The following PPP2R2C variants were observed in gnomAD, a reference collection of about 807,000 sequenced individuals.
The protein encoded by PPP2R2C is protein phosphatase 2, regulatory subunit B, gamma.
A neutral mutation model predicts 45.3 loss-of-function variants in PPP2R2C; 10 were observed. The observed-to-expected ratio is 0.22, with a 90% CI of 0.14 to 0.37. PPP2R2C has a LOEUF of 0.37. PPP2R2C is among the 10% of genes least tolerant of loss of function. The pLI, the probability that PPP2R2C is intolerant of heterozygous loss-of-function variation, is 1.00. For missense variants in PPP2R2C, 308 were observed against 619.7 expected, an observed-to-expected ratio of 0.50 and a Z score of 5.34; for synonymous variants, 257 against 245.4, an observed-to-expected ratio of 1.05 and a Z score of -0.44.
At chr4:6,431,492 A>T (rs944322237) in intron 1 of PPP2R2C, among the ~76,000 whole-genome samples, 5 of 152,182 alleles carry the variant, frequency 3.3e-5, no homozygotes, top group African/African-American at 1.2e-4. Context: ...TCAGGCTGGC[A>T]GTCACCCTGG....
chr4:6,487,198 T>C (rs1722557204), intron 2 of PPP2R2C, among the ~76,000 whole-genome samples: 1 of 152,070 alleles, frequency 6.6e-6, no homozygotes, highest in Non-Finnish European at 1.5e-5. Flanking sequence ...GTTATAAACC[T>C]CACACTACAT....
intron 1 of PPP2R2C, among the ~76,000 whole-genome samples, chr4:6,388,187 C>A (rs1716364597): frequency 6.6e-6 from 1 of 152,142 alleles, no homozygotes; most frequent in Non-Finnish European, 1.5e-5. Context: ...GGGCAACCCC[C>A]AAGTGGAGAG....
At chr4:6,457,522 C>T (rs905901387) in intron 1 of PPP2R2C, among the ~76,000 whole-genome samples, 32 of 151,934 alleles carry the variant, frequency 2.1e-4, no homozygotes, top group Admixed American at 1.7e-3. Context: ...CAGGTACATG[C>T]CACCATCCTT....
At chr4:6,380,889 C>G in intron 2 of PPP2R2C, 108 bp downstream of exon 2, 2 of 1,422,160 alleles carry the variant, frequency 1.4e-6, no homozygotes, top group Non-Finnish European at 1.8e-6. Context: ...CACCTCTCAC[C>G]GCATCACCCC....
chr4:6,359,280 G>A (rs1356077286), intron 5 of PPP2R2C, among the ~76,000 whole-genome samples: 1 of 152,182 alleles, frequency 6.6e-6, no homozygotes, highest in African/African-American at 2.4e-5. Flanking sequence ...TCACTCATAG[G>A]TGGGAAGTGA....
intron 5 of PPP2R2C, among the ~76,000 whole-genome samples, chr4:6,352,635 C>G (rs1042563757): frequency 6.6e-6 from 1 of 152,158 alleles, no homozygotes; most frequent in Non-Finnish European, 1.5e-5. Context: ...GGTAGGAATT[C>G]CAGAGAGAGG....
intron 2 of PPP2R2C, among the ~76,000 whole-genome samples, chr4:6,498,092 T>C (rs749123386): frequency 6.6e-6 from 1 of 152,170 alleles, no homozygotes; most frequent in Non-Finnish European, 1.5e-5. Flanking sequence ...GTGAAACTCT[T>C]AGAGTCCAAA....
chr4:6,351,810 C>A (rs558721977), intron 5 of PPP2R2C, among the ~76,000 whole-genome samples: 1 of 152,182 alleles, frequency 6.6e-6, no homozygotes, highest in African/African-American at 2.4e-5. Flanking sequence ...GCACAGCACC[C>A]TTCACGGTGT....
intron 6 of PPP2R2C, among the ~76,000 whole-genome samples, chr4:6,341,740 T>C: frequency 6.6e-6 from 1 of 151,858 alleles, no homozygotes; most frequent in Non-Finnish European, 1.5e-5. Flanking sequence ...AAGAAAGAGA[T>C]GGGATGATGG....
intron 2 of PPP2R2C, among the ~76,000 whole-genome samples, chr4:6,516,360 T>C (rs1723829029): frequency 6.6e-6 from 1 of 152,238 alleles, no homozygotes; most frequent in African/African-American, 2.4e-5. Context: ...AGCAAATTCC[T>C]GCCCGTTGCC....
intron 1 of PPP2R2C, among the ~76,000 whole-genome samples, chr4:6,554,373 T>A (rs866077664): frequency 9.9e-5 from 15 of 151,972 alleles, no homozygotes; most frequent in Admixed American, 2.0e-4. Context: ...CAGGACAGAT[T>A]CCCCCTCTAA....
intron 1 of PPP2R2C, among the ~76,000 whole-genome samples, chr4:6,443,348 G>A (rs1720248321): frequency 6.6e-6 from 1 of 152,222 alleles, no homozygotes; most frequent in South Asian, 2.1e-4. Context: ...TCTAGGCAAA[G>A]CGCACTTTAG....
In PPP2R2C at chr4:6,420,229, G is replaced by A. The variant is rs115702930; in HGVS notation, c.71-39135C>T. On this transcript the variant is annotated intron_variant, in intron 1 of 8. Coordinates refer to ENST00000382599, the MANE Select transcript of PPP2R2C (RefSeq NM_020416.4). ...AAGGACAGGCTGTGCAACGACAGGA[G>A]GCTGGCACACAGCCATGACAAATGA... Among the ~76,000 whole-genome samples the A allele has an allele frequency of 6.1e-3, 934 of 152,318 alleles. 6 individuals carry two copies. Among genetic ancestry groups the A allele is most frequent in the African/African-American group, 0.021 (855 of 41,592 alleles).
upstream of PPP2R2C, among the ~76,000 whole-genome samples, chr4:6,477,081 C>T (rs576077257): frequency 3.9e-5 from 6 of 152,106 alleles, no homozygotes; most frequent in South Asian, 4.2e-4. Flanking sequence ...TGGGAGACCC[C>T]GTCTCTACTA....
rs1373913677 is a variant in PPP2R2C, at chr4:6,550,242, C to G, written c.-59+13318G>C. Among the ~76,000 whole-genome samples the G allele has an allele frequency of 2.6e-5, 4 of 152,172 alleles. No individual in the cohort carries two copies. In the East Asian group the frequency reaches 7.7e-4, roughly 29 times the overall value. ...CCTCCAAGCTTCCTGTTCCCCTCCT[C>G]ACAGCCACCAGCCGGCACATCCCAA... On this transcript the variant is annotated intron_variant, in intron 1 of 9. Transcript: ENST00000506140.
chr4:6,484,075 C>T (rs905548779), intron 2 of PPP2R2C, among the ~76,000 whole-genome samples: 8 of 151,972 alleles, frequency 5.3e-5, no homozygotes, highest in Admixed American at 5.2e-4. Flanking sequence ...CTATCTGGTC[C>T]TTTAAGAAAA....
chr4:6,468,919 G>GGCCCAGT (rs199970515), intron 1 of PPP2R2C, among the ~76,000 whole-genome samples: 1 of 151,410 alleles, frequency 6.6e-6, no homozygotes, highest in South Asian at 2.1e-4. Flanking sequence ...CAGGGCCCAG[G>GGCCCAGT]GCCCAGTGCC....
At chr4:6,526,753 G>A (rs1160103393) in intron 2 of PPP2R2C, among the ~76,000 whole-genome samples, 2 of 152,178 alleles carry the variant, frequency 1.3e-5, no homozygotes, top group African/African-American at 2.4e-5. Context: ...AGGGGTGAGA[G>A]GGTGCAGAGA....
intron 6 of PPP2R2C, among the ~76,000 whole-genome samples, chr4:6,346,493 C>T (rs904556686): frequency 2.0e-5 from 3 of 152,190 alleles, no homozygotes; most frequent in Non-Finnish European, 4.4e-5. Context: ...TCACCATGCC[C>T]TGACATGCGT....
Sources: gnomAD v4.1 joint callset for allele counts (sites outside exome capture counted in the v4.1 genomes callset) on GRCh38, gnomAD v4.1.1 for gene constraint, MANE v1.5 for transcripts, NCBI Gene and HGNC (gene_info 2026-07-23, HGNC 2026-07-21) for gene names.